Variants in EMILIN2 observed in about 807,000 individuals in gnomAD.
EMILIN2 encodes elastin microfibril interfacer 2, also known as EMILIN-2.
A neutral mutation model predicts 87.1 loss-of-function variants in EMILIN2; 71 were observed. That is an observed-to-expected ratio of 0.82 (90% CI 0.67 to 0.99). The LOEUF is 0.99. EMILIN2 is among the 50% of genes least tolerant of loss of function. The pLI, the probability that EMILIN2 is intolerant of heterozygous loss-of-function variation, is 0.00. For synonymous variants in EMILIN2, 581 were observed against 563.4 expected (o/e 1.03, Z -0.44); for missense variants, 1,407 against 1,371.8 (o/e 1.03, Z -0.40).
intron 2 of EMILIN2, among the ~76,000 whole-genome samples, chr18:2,876,615 A>C (rs1384143065): frequency 4.5e-5 from 6 of 134,334 alleles, no homozygotes; most frequent in African/African-American, 1.6e-4. Flanking sequence ...AAATACAAAA[A>C]ATTAGCCGGG....
chr18:2,874,771 A>G (rs2076739090), intron 2 of EMILIN2, among the ~76,000 whole-genome samples: 1 of 152,110 alleles, frequency 6.6e-6, no homozygotes, highest in Admixed American at 6.5e-5. Context: ...TCAAATCTAG[A>G]TTTTTTAAAA....
intron 2 of EMILIN2, among the ~76,000 whole-genome samples, chr18:2,882,003 G>A (rs146075311): frequency 1.1e-3 from 170 of 152,312 alleles, no homozygotes; most frequent in African/African-American, 3.6e-3. Context: ...AGGTGGGGCC[G>A]CTTCCTCCAA....
rs181819941 is a variant in EMILIN2, at chr18:2,895,227, G to A, written c.2359+2741G>A. Among the ~76,000 whole-genome samples the A allele has an allele frequency of 4.6e-5, 7 of 152,062 alleles. No individual in the cohort carries two copies. The East Asian group carries it at 1.4e-3, about 30-fold the overall frequency. ...AGCACCCACAGTGGAAGTCAGGGAG[G>A]GATTCTCAGGAGAGAGCCCTGAGCT... On this transcript the variant is annotated intron_variant, in intron 4 of 7. Transcript: ENST00000254528.
At chr18:2,896,367 G>C (rs2076863737) in intron 4 of EMILIN2, among the ~76,000 whole-genome samples, 1 of 152,004 alleles carries the variant, frequency 6.6e-6, no homozygotes, top group African/African-American at 2.4e-5. Context: ...GTAGAGACAA[G>C]GTTTCACCAT....
At chr18:2,893,098 G>A (rs914759279) in intron 4 of EMILIN2, among the ~76,000 whole-genome samples, 3 of 152,110 alleles carry the variant, frequency 2.0e-5, no homozygotes, top group African/African-American at 7.2e-5. Context: ...CATGATCTAC[G>A]TAATTTACAA....
At chr18:2,904,950 A>G (rs1157482133) in intron 4 of EMILIN2, among the ~76,000 whole-genome samples, 2 of 152,152 alleles carry the variant, frequency 1.3e-5, no homozygotes, top group African/African-American at 4.8e-5. Context: ...TTATTCAGGG[A>G]GCAGACTTTC....
At chr18:2,864,488 T>C (rs1270289248) in intron 2 of EMILIN2, among the ~76,000 whole-genome samples, 2 of 152,228 alleles carry the variant, frequency 1.3e-5, no homozygotes, top group African/African-American at 4.8e-5. Flanking sequence ...GAAACTTAGT[T>C]TGGCTGGATA....
At chr18:2,882,097 T>G (rs2076779751) in intron 2 of EMILIN2, among the ~76,000 whole-genome samples, 1 of 152,208 alleles carries the variant, frequency 6.6e-6, no homozygotes, top group East Asian at 1.9e-4. Context: ...CCGGGCTGTT[T>G]GAACTTGGAT....
intron 2 of EMILIN2, among the ~76,000 whole-genome samples, chr18:2,872,833 A>AG (rs397966993): frequency 1.3e-5 from 2 of 152,062 alleles, no homozygotes; most frequent in Non-Finnish European, 2.9e-5. Context: ...CACATAGGGA[A>AG]TTATTTTAAT....
chr18:2,887,232 C>T (rs181445265), intron 3 of EMILIN2, among the ~76,000 whole-genome samples: 2 of 152,184 alleles, frequency 1.3e-5, no homozygotes, highest in Non-Finnish European at 2.9e-5. Context: ...TTTCTGACTC[C>T]CAGTTTTTTG....
chr18:2,878,238 C>G (rs747831379), intron 2 of EMILIN2, among the ~76,000 whole-genome samples: 5 of 152,094 alleles, frequency 3.3e-5, no homozygotes, highest in African/African-American at 4.8e-5. Flanking sequence ...ACCTGTAATC[C>G]CAGCATTTTG....
At chr18:2,857,410 AC>A (rs2076633182) in intron 2 of EMILIN2, among the ~76,000 whole-genome samples, 1 of 152,114 alleles carries the variant, frequency 6.6e-6, no homozygotes. Context: ...TTTCCCTCTT[AC>A]TTGAAGTGGT....
At chr18:2,904,505 A>C (rs139701439) in intron 4 of EMILIN2, among the ~76,000 whole-genome samples, 1 of 152,284 alleles carries the variant, frequency 6.6e-6, no homozygotes, top group African/African-American at 2.4e-5. Flanking sequence ...CTACCTTCTG[A>C]AAGATTTCCT....
chr18:2,875,728 T>C (rs1485201004), intron 2 of EMILIN2, among the ~76,000 whole-genome samples: 2 of 152,212 alleles, frequency 1.3e-5, no homozygotes, highest in African/African-American at 2.4e-5. Context: ...TTTTTAGCCA[T>C]GTGAGTTTGC....
At chr18:2,867,953 G>A (rs1229371509) in intron 2 of EMILIN2, among the ~76,000 whole-genome samples, 17 of 142,048 alleles carry the variant, frequency 1.2e-4, no homozygotes, top group East Asian at 2.2e-4. Context: ...CTCACCTCCC[G>A]GACGGGGCGG....
chr18:2,875,630 A>G (rs2076743799), intron 2 of EMILIN2, among the ~76,000 whole-genome samples: 1 of 151,870 alleles, frequency 6.6e-6, no homozygotes. Flanking sequence ...CAGTGCCTTG[A>G]GTTTTGTGAT....
intron 2 of EMILIN2, among the ~76,000 whole-genome samples, chr18:2,874,080 G>A (rs183142542): frequency 1.6e-3 from 235 of 151,280 alleles, no homozygotes; most frequent in Non-Finnish European, 2.5e-3. Flanking sequence ...AAGTCCGTTG[G>A]CCACCCTGAT....
intron 4 of EMILIN2, 83 bp from the exon 5 acceptor site, chr18:2,906,700 G>A: frequency 9.1e-7 from 1 of 1,094,428 alleles, no homozygotes; most frequent in Non-Finnish European, 1.2e-6. Context: ...CGCTCGCCGG[G>A]ACTCATGGAG....
intron 2 of EMILIN2, among the ~76,000 whole-genome samples, chr18:2,866,053 T>G (rs1463992295): frequency 6.6e-6 from 1 of 152,210 alleles, no homozygotes; most frequent in Non-Finnish European, 1.5e-5. Context: ...CTAAGACCAT[T>G]GGAAAAGTGC....
Sources: gnomAD v4.1 joint callset for allele counts (sites outside exome capture counted in the v4.1 genomes callset) on GRCh38, gnomAD v4.1.1 for gene constraint, MANE v1.5 for transcripts, NCBI Gene and HGNC (gene_info 2026-07-23, HGNC 2026-07-21) for gene names.